Variants in SLC39A11 observed in about 807,000 individuals in gnomAD.
SLC39A11 encodes solute carrier family 39 member 11.
A neutral mutation model predicts 36.1 loss-of-function variants in SLC39A11; 33 were observed. The observed-to-expected ratio is 0.91, with a 90% CI of 0.69 to 1.22. SLC39A11 has a LOEUF of 1.22. Among genes scored for constraint, SLC39A11 ranks in the 50% most tolerant of loss-of-function variants. The pLI, the probability that SLC39A11 is intolerant of heterozygous loss-of-function variation, is 0.00. For missense variants in SLC39A11, 432 were observed against 430.3 expected, an observed-to-expected ratio of 1.00 and a Z score of -0.03; for synonymous variants, 166 against 170.3, an observed-to-expected ratio of 0.97 and a Z score of 0.20.
At chr17:72,839,763 TC>T (rs1187942160) in intron 6 of SLC39A11, 23 of 152,270 alleles carry the variant, frequency 1.5e-4, no homozygotes, top group African/African-American at 5.3e-4. Context: ...AGTAAGATGA[TC>T]TCTAGCATAA....
intron 4 of SLC39A11, among the ~76,000 whole-genome samples, chr17:72,971,889 C>T (rs574152767): frequency 7.9e-5 from 12 of 152,322 alleles, no homozygotes; most frequent in East Asian, 5.8e-4. Flanking sequence ...AAAGCACCTA[C>T]GGTTTGCAGA....
chr17:72,701,079 C>T (rs1768531247), intron 7 of SLC39A11, among the ~76,000 whole-genome samples: 1 of 152,260 alleles, frequency 6.6e-6, no homozygotes, highest in Non-Finnish European at 1.5e-5. Context: ...TGCTTGGGGG[C>T]CACATTCACC....
chr17:72,646,948 T>TA lies in SLC39A11; in HGVS notation c.*635dup, dbSNP rs35359576. On this transcript the variant is annotated 3_prime_UTR_variant, in exon 10 of 10. Coordinates refer to ENST00000255559, the MANE Select transcript of SLC39A11 (RefSeq NM_139177.4). ...CTTCAATAATGTCAATCTTTGCCTT[T>TA]AAAAAAAAAAAAAAAAAAAGCCAGA... 0.16 allele frequency: 20,795 copies of TA among 126,496 alleles called. 1,760 individuals carry two copies. The highest frequency in any genetic ancestry group is 0.24 in the South Asian group (891 of 3,662). The allele number at this position is 126,496 out of a possible 1,614,324, so 7.8% of individuals were successfully genotyped here.
chr17:72,784,064 G>T (rs1485927737), intron 6 of SLC39A11, among the ~76,000 whole-genome samples: 1 of 152,152 alleles, frequency 6.6e-6, no homozygotes, highest in Admixed American at 6.5e-5. Context: ...ACTTGGAAAG[G>T]CCTGGTGTGG....
intron 7 of SLC39A11, among the ~76,000 whole-genome samples, chr17:72,678,735 AGC>A (rs1432248972): frequency 1.7e-4 from 26 of 152,114 alleles, no homozygotes; most frequent in Non-Finnish European, 3.2e-4. Context: ...CTCTTGGGGT[AGC>A]AATCATGAAG....
intron 3 of SLC39A11, among the ~76,000 whole-genome samples, chr17:73,056,389 G>A (rs1007719455): frequency 5.3e-5 from 8 of 152,182 alleles, no homozygotes; most frequent in African/African-American, 1.7e-4. Context: ...GGCTGGTCTG[G>A]AACTCCTGAC....
chr17:72,769,469 G>A (rs900723275), intron 6 of SLC39A11, among the ~76,000 whole-genome samples: 1 of 152,220 alleles, frequency 6.6e-6, no homozygotes, highest in South Asian at 2.1e-4. Context: ...ACTCAAGCTG[G>A]AAACTGCTTA....
chr17:72,665,397 T>TTTTTTTG (rs1555631639), intron 7 of SLC39A11, among the ~76,000 whole-genome samples: 34 of 125,414 alleles, frequency 2.7e-4, no homozygotes, highest in East Asian at 4.6e-4. Context: ...GTGTTTTTTT[T>TTTTTTTG]TTTTTTTTTT....
intron 4 of SLC39A11, among the ~76,000 whole-genome samples, chr17:72,955,314 T>TTTTTTTG (rs75132220): frequency 7.0e-6 from 1 of 143,736 alleles, no homozygotes; most frequent in East Asian, 2.0e-4. Context: ...TTTTTTTTTT[T>TTTTTTTG]TTTTGTTTGA....
chr17:72,703,603 G>C (rs2072750927), intron 7 of SLC39A11, among the ~76,000 whole-genome samples: 1 of 152,152 alleles, frequency 6.6e-6, no homozygotes, highest in Admixed American at 6.5e-5. Flanking sequence ...CTGATGATCT[G>C]TTTCTCCATG....
At chr17:72,870,568 A>G (rs948480112) in intron 5 of SLC39A11, among the ~76,000 whole-genome samples, 1 of 152,244 alleles carries the variant, frequency 6.6e-6, no homozygotes, top group African/African-American at 2.4e-5. Flanking sequence ...GCAAGCAGCC[A>G]AGACCTGGTG....
At chr17:72,761,167 T>A (rs1019344489) in intron 6 of SLC39A11, among the ~76,000 whole-genome samples, 2 of 152,108 alleles carry the variant, frequency 1.3e-5, no homozygotes, top group Non-Finnish European at 2.9e-5. Flanking sequence ...CAGACTGGAG[T>A]GCAGTGGCAT....
In SLC39A11 at chr17:72,748,593, C is replaced by T. The variant is rs111402603; in HGVS notation, c.602-11874G>A. 4.3e-3 allele frequency among the ~76,000 whole-genome samples: 648 copies of T among 152,274 alleles called. 4 individuals carry two copies. Among genetic ancestry groups the T allele is most frequent in the Middle Eastern group, 0.014 (4 of 294 alleles). ...GACTGCGAAGACACAGGCAGCGCCT[C>T]GTTTGTATGACTGAAGACAGCCACA... On this transcript the variant is annotated intron_variant, in intron 6 of 9. Coordinates refer to ENST00000255559, the MANE Select transcript of SLC39A11 (RefSeq NM_139177.4).
chr17:72,659,948 C>T (rs1345916333), intron 7 of SLC39A11, among the ~76,000 whole-genome samples: 1 of 152,046 alleles, frequency 6.6e-6, no homozygotes, highest in Non-Finnish European at 1.5e-5. Context: ...TAGGGAAAAC[C>T]TGAGTGTTAA....
chr17:73,017,914 G>C (rs2058221320), intron 4 of SLC39A11, among the ~76,000 whole-genome samples: 1 of 152,094 alleles, frequency 6.6e-6, no homozygotes. Flanking sequence ...CTGGAAAAGA[G>C]AATTCTTTCT....
At chr17:72,966,212 T>TC (rs946884053) in intron 4 of SLC39A11, among the ~76,000 whole-genome samples, 7 of 152,174 alleles carry the variant, frequency 4.6e-5, no homozygotes, top group African/African-American at 7.2e-5. Flanking sequence ...AGTCAGAGGT[T>TC]CCCTGTGGGA....
chr17:72,716,523 G>A (rs774828648), intron 7 of SLC39A11, among the ~76,000 whole-genome samples: 5 of 151,730 alleles, frequency 3.3e-5, no homozygotes, highest in African/African-American at 4.8e-5. Flanking sequence ...AGGGAAAGCC[G>A]CCGCTCTTCT....
chr17:73,041,189 G>A (rs1414179392), intron 3 of SLC39A11, among the ~76,000 whole-genome samples: 1 of 152,090 alleles, frequency 6.6e-6, no homozygotes, highest in Admixed American at 6.5e-5. Flanking sequence ...TGGAACACAA[G>A]CTTCCAAATT....
chr17:73,018,506 C>T (rs149294169), intron 4 of SLC39A11, among the ~76,000 whole-genome samples: 1 of 152,064 alleles, frequency 6.6e-6, no homozygotes, highest in Admixed American at 6.5e-5. Context: ...CAAGATCACA[C>T]CATTGCACTC....
Sources: gnomAD v4.1 joint callset for allele counts (sites outside exome capture counted in the v4.1 genomes callset) on GRCh38, gnomAD v4.1.1 for gene constraint, MANE v1.5 for transcripts, NCBI Gene and HGNC (gene_info 2026-07-23, HGNC 2026-07-21) for gene names.